The following CLEC5A variants were observed in gnomAD, a reference collection of about 807,000 sequenced individuals.
CLEC5A encodes C-type lectin domain containing 5A.
In CLEC5A, 15 loss-of-function variants were observed where a neutral mutation model predicts 24.4. That is an observed-to-expected ratio of 0.62 (90% CI 0.41 to 0.95). The LOEUF is 0.95. CLEC5A is among the 40% of genes least tolerant of loss of function. CLEC5A has a pLI of 0.00. For missense variants in CLEC5A, 211 were observed against 224.0 expected, an observed-to-expected ratio of 0.94 and a Z score of 0.37; for synonymous variants, 71 against 72.6, an observed-to-expected ratio of 0.98 and a Z score of 0.11.
chr7:141,927,995 G>C lies in CLEC5A; in HGVS notation c.*2109C>G, dbSNP rs1159715681. ...CAAGAAAGGGTAAGAAAACTGTACTGATTCACACAGCATATTAGAAACAAA... is the reference window on the plus strand; with the variant it reads ...CAAGAAAGGGTAAGAAAACTGTACTCATTCACACAGCATATTAGAAACAAA... On this transcript the variant is annotated 3_prime_UTR_variant, in exon 7 of 7. Transcript: ENST00000546910. 1 of 151,662 alleles carries C rather than the reference G, an allele frequency of 6.6e-6. No individual in the cohort carries two copies. Among genetic ancestry groups the C allele is most frequent in the Non-Finnish European group, 1.5e-5 (1 of 67,966 alleles). The allele number at this position is 151,662 out of a possible 1,614,324, so 9.4% of individuals were successfully genotyped here. A position where few individuals can be genotyped will look rare whatever the true frequency, so the allele number is the denominator to read the frequency against.
rs782619429 is a variant in CLEC5A, at chr7:141,930,150, G to A, written c.521C>T (p.Ser174Leu). ...IGLTKTFDAA[S>L]CDISYRRICE... Reference sequence around the variant, plus strand: ...GATCCTGCGGTAGCTGATGTCACATGATGCAGCATCAAATGTCTTTGTTAG... The same window carrying A: ...GATCCTGCGGTAGCTGATGTCACATAATGCAGCATCAAATGTCTTTGTTAG... Residue 174 changes from serine to leucine, a missense_variant, in exon 7 of 7, where the codon TCA becomes TTA. Transcript: ENST00000546910. 2 of 1,614,146 alleles carry A rather than the reference G, an allele frequency of 1.2e-6. No individual in the cohort carries two copies. Among genetic ancestry groups the A allele is most frequent in the Non-Finnish European group, 1.7e-6 (2 of 1,179,990 alleles).
intron 4 of CLEC5A, among the ~76,000 whole-genome samples, chr7:141,940,922 T>C (rs1802776571): frequency 6.6e-6 from 1 of 151,970 alleles, no homozygotes; most frequent in African/African-American, 2.4e-5. Context: ...AGTAATGAGA[T>C]GAAAACCATG....
At chr7:141,931,971 C>T (rs1359078773) in intron 5 of CLEC5A, 145 bp from the exon 6 acceptor site, 2 of 496,554 alleles carry the variant, frequency 4.0e-6, no homozygotes, top group East Asian at 6.5e-5. Context: ...TCACAACTAA[C>T]CCTAAAGAAG....
At chr7:141,935,495 C>T (rs1802590514) in intron 5 of CLEC5A, among the ~76,000 whole-genome samples, 14 of 152,214 alleles carry the variant, frequency 9.2e-5, no homozygotes, top group Non-Finnish European at 4.4e-5. Context: ...CTTTTATACA[C>T]ATCATCTCAT....
At chr7:141,940,622 C>T (rs1208611173) in intron 4 of CLEC5A, among the ~76,000 whole-genome samples, 1 of 150,702 alleles carries the variant, frequency 6.6e-6, no homozygotes, top group Admixed American at 6.6e-5. Context: ...CAATACAAAA[C>T]ATCAATGCAA....
chr7:141,945,701 T>G (rs1371687593), intron 2 of CLEC5A: 1 of 446,114 alleles, frequency 2.2e-6, no homozygotes, highest in Non-Finnish European at 4.1e-6. Flanking sequence ...CCTACTGGCT[T>G]CTGGGGCTAG....
rs374899511 is a variant in CLEC5A at position 141,945,280 on chromosome 7, T to C, written c.139+61A>G. On this transcript the variant is annotated intron_variant, in intron 3 of 6. Coordinates refer to ENST00000546910, the MANE Select transcript of CLEC5A (RefSeq NM_013252.3). Reference sequence around the variant, plus strand: ...GAAAGGAGGCTGTGTGGAAGGTCTCTAGGAATTCAGCATAGAAGTAGCAGG... The same window carrying C: ...GAAAGGAGGCTGTGTGGAAGGTCTCCAGGAATTCAGCATAGAAGTAGCAGG... 1.2e-4 allele frequency: 149 copies of C among 1,204,074 alleles called. 2 individuals are homozygous for C. The African/African-American group carries it at 2.0e-3, about 16-fold the overall frequency. 74.6% of individuals were successfully genotyped at this position (1,204,074 alleles called of 1,614,324 possible).
intron 4 of CLEC5A, 114 bp from the exon 5 acceptor site, chr7:141,936,064 T>G: frequency 1.2e-6 from 1 of 853,576 alleles, no homozygotes; most frequent in Non-Finnish European, 1.9e-6. Flanking sequence ...ATTATATTGG[T>G]AAAAATTATT....
intron 4 of CLEC5A, among the ~76,000 whole-genome samples, chr7:141,937,335 C>CA (rs1399191424): frequency 6.6e-6 from 1 of 151,918 alleles, no homozygotes; most frequent in Non-Finnish European, 1.5e-5. Context: ...GCATTCGTGA[C>CA]AAGCTGACCA....
intron 5 of CLEC5A, 150 bp downstream of exon 5, chr7:141,935,664 C>T: frequency 1.5e-6 from 1 of 680,370 alleles, no homozygotes. Flanking sequence ...TCCTAACCTC[C>T]AGTCCAGAAC....
intron 4 of CLEC5A, 120 bp from the exon 5 acceptor site, chr7:141,936,070 T>A (rs1802615074): frequency 1.2e-6 from 1 of 813,980 alleles, no homozygotes; most frequent in Non-Finnish European, 2.0e-6. Context: ...TTGGTAAAAA[T>A]TATTCTCCAT....
At chr7:141,932,178 C>T (rs1802488740) in intron 5 of CLEC5A, among the ~76,000 whole-genome samples, 1 of 152,170 alleles carries the variant, frequency 6.6e-6, no homozygotes, top group Admixed American at 6.5e-5. Flanking sequence ...CAATCTAAAA[C>T]AGGGTCATTT....
chr7:141,930,473 C>T (rs1187922808), intron 6 of CLEC5A, among the ~76,000 whole-genome samples: 8 of 152,160 alleles, frequency 5.3e-5, no homozygotes, highest in South Asian at 4.1e-4. Flanking sequence ...CTCCTGTGAG[C>T]GTGTATGGAT....
chr7:141,939,269 A>G lies in CLEC5A; in HGVS notation c.209-3319T>C, dbSNP rs192268935. ...AAATAGAAACAATAAAAAGTTAAAA[A>G]GTGGGAGACAAAGTTAAAATGTAGA... On this transcript the variant is annotated intron_variant, in intron 4 of 6. Coordinates refer to ENST00000546910, the MANE Select transcript of CLEC5A (RefSeq NM_013252.3). Among the ~76,000 whole-genome samples, 50 of 152,300 alleles carry G rather than the reference A, an allele frequency of 3.3e-4. 1 individual carries two copies. Among genetic ancestry groups the G allele is most frequent in the Admixed American group, 2.4e-3 (37 of 15,294 alleles).
chr7:141,937,910 T>C (rs1217977749), intron 4 of CLEC5A, among the ~76,000 whole-genome samples: 1 of 152,246 alleles, frequency 6.6e-6, no homozygotes, highest in Non-Finnish European at 1.5e-5. Flanking sequence ...TTTCAGATCT[T>C]ATCCAAGACC....
intron 5 of CLEC5A, among the ~76,000 whole-genome samples, chr7:141,934,199 A>G (rs1554440766): frequency 6.6e-6 from 1 of 152,228 alleles, no homozygotes; most frequent in East Asian, 1.9e-4. Flanking sequence ...GAGGTATTAT[A>G]ATGTCAGTTC....
At chr7:141,935,699 C>A in intron 5 of CLEC5A, 115 bp downstream of exon 5, 1 of 908,276 alleles carries the variant, frequency 1.1e-6, no homozygotes, top group Non-Finnish European at 1.7e-6. Flanking sequence ...TTTCAGCCAG[C>A]CACCTCTCCA....
At chr7:141,931,260 G>T (rs549995055) in intron 6 of CLEC5A, among the ~76,000 whole-genome samples, 3 of 152,142 alleles carry the variant, frequency 2.0e-5, no homozygotes, top group Non-Finnish European at 4.4e-5. Flanking sequence ...TATAGAAATA[G>T]ATCTCATCTC....
intron 4 of CLEC5A, among the ~76,000 whole-genome samples, chr7:141,940,054 A>G (rs563788589): frequency 4.3e-4 from 66 of 152,306 alleles, no homozygotes; most frequent in African/African-American, 1.6e-3. Flanking sequence ...ACAAAGTAAC[A>G]TTGGACTTAA....
Sources: allele counts gnomAD v4.1 joint callset (sites outside exome capture counted in the v4.1 genomes callset), GRCh38; gene constraint gnomAD v4.1.1; transcripts MANE v1.5; gene names NCBI Gene and HGNC (gene_info 2026-07-23, HGNC 2026-07-21).